The following PEX14 variants were observed in gnomAD, a reference collection of about 807,000 sequenced individuals.
PEX14 encodes peroxisomal biogenesis factor 14.
A neutral mutation model predicts 49.5 loss-of-function variants in PEX14; 15 were observed. The observed-to-expected ratio is 0.30, with a 90% CI of 0.20 to 0.47. The LOEUF is 0.47. PEX14 is among the 20% of genes least tolerant of loss of function. The pLI is 1.00. For synonymous variants in PEX14, 210 were observed against 212.7 expected (o/e 0.99, Z 0.11); for missense variants, 398 against 494.8 (o/e 0.80, Z 1.86).
At chr1:10,481,315 T>C (rs1197531936) in intron 1 of PEX14, among the ~76,000 whole-genome samples, 1 of 152,090 alleles carries the variant, frequency 6.6e-6, no homozygotes, top group Non-Finnish European at 1.5e-5. Flanking sequence ...TTTTTTTGTA[T>C]TTTTAATAGA....
intron 1 of PEX14, among the ~76,000 whole-genome samples, chr1:10,477,881 A>T (rs1332388801): frequency 6.6e-6 from 1 of 152,048 alleles, no homozygotes; most frequent in Admixed American, 6.6e-5. Context: ...GGACTAAATG[A>T]GTTATTTATT....
chr1:10,609,117 G>T (rs1641204840), intron 4 of PEX14, among the ~76,000 whole-genome samples: 1 of 152,204 alleles, frequency 6.6e-6, no homozygotes, highest in Non-Finnish European at 1.5e-5. Context: ...TCATGGAATA[G>T]TATTCTGTTG....
At chr1:10,497,469 G>A (rs542707839) in intron 2 of PEX14, among the ~76,000 whole-genome samples, 1 of 152,322 alleles carries the variant, frequency 6.6e-6, no homozygotes, top group Admixed American at 6.5e-5. Context: ...CTGAGGATGG[G>A]GAACAGACAA....
intron 2 of PEX14, among the ~76,000 whole-genome samples, chr1:10,500,737 G>C (rs1641663177): frequency 6.6e-6 from 1 of 152,156 alleles, no homozygotes; most frequent in South Asian, 2.1e-4. Context: ...ACCACGGCCA[G>C]CTAATTTTTG....
chr1:10,552,845 T>A (rs1557840954), intron 3 of PEX14, among the ~76,000 whole-genome samples: 1 of 151,338 alleles, frequency 6.6e-6, no homozygotes, highest in Non-Finnish European at 1.5e-5. Flanking sequence ...ATGGAGGAGG[T>A]CCCCTTTATC....
intron 4 of PEX14, among the ~76,000 whole-genome samples, chr1:10,607,239 A>G (rs185222645): frequency 6.6e-6 from 1 of 151,784 alleles, no homozygotes; most frequent in East Asian, 1.9e-4. Context: ...CCTTTTTACC[A>G]TTGGGTGGGT....
At chr1:10,523,269 T>C (rs895013481) in intron 2 of PEX14, among the ~76,000 whole-genome samples, 4 of 152,220 alleles carry the variant, frequency 2.6e-5, no homozygotes, top group African/African-American at 9.6e-5. Context: ...GTAAGTAGCG[T>C]GAGTAAAGCT....
Position 10,474,992 on chromosome 1 carries a change from A to C in PEX14, c.26A>C (p.Gln9Pro). 1 of 1,610,198 alleles carries C rather than the reference A, an allele frequency of 6.2e-7. No homozygotes were observed. Among genetic ancestry groups the C allele is most frequent in the Non-Finnish European group, 8.5e-7 (1 of 1,178,612 alleles). The change falls in exon 1 of 9, where the codon CAG (glutamine) becomes CCG (proline). Residue 9 changes from glutamine to proline, a missense_variant. Physicochemically the swap from Gln to Pro is moderately conservative, Grantham distance 76. Coordinates refer to ENST00000356607, the MANE Select transcript of PEX14 (RefSeq NM_004565.3). ...ATGGCGTCCTCGGAGCAGGCAGAGC[A>C]GCCGAGCCAGGTAAGGGGAGTGGGA... MASSEQAE[Q>P]PSQPSSTPGS...
At chr1:10,621,278 T>C (rs912108078) in intron 5 of PEX14, among the ~76,000 whole-genome samples, 3 of 151,480 alleles carry the variant, frequency 2.0e-5, no homozygotes, top group African/African-American at 4.8e-5. Context: ...TGTCTGCTCC[T>C]GCCCTTAGGA....
At chr1:10,626,706 C>T (rs896497014) in intron 7 of PEX14, among the ~76,000 whole-genome samples, 3 of 152,398 alleles carry the variant, frequency 2.0e-5, no homozygotes, top group Admixed American at 2.0e-4. Context: ...ACACGGAGGC[C>T]TCGTGGCATT....
At chr1:10,583,941 T>C (rs542956549) in intron 3 of PEX14, among the ~76,000 whole-genome samples, 1 of 152,200 alleles carries the variant, frequency 6.6e-6, no homozygotes, top group South Asian at 2.1e-4. Context: ...GGGAGTAAGG[T>C]TGTGTAGGGC....
chr1:10,567,943 G>A (rs1406818609), intron 3 of PEX14, among the ~76,000 whole-genome samples: 3 of 152,072 alleles, frequency 2.0e-5, no homozygotes, highest in South Asian at 2.1e-4. Flanking sequence ...TATCTTTTTC[G>A]TTACTACTTT....
At chr1:10,548,284 A>G in intron 3 of PEX14, among the ~76,000 whole-genome samples, 1 of 152,212 alleles carries the variant, frequency 6.6e-6, no homozygotes, top group East Asian at 1.9e-4. Flanking sequence ...TAGGGATGGA[A>G]GTTCTTTTAA....
At chr1:10,510,068 C>T (rs543372555) in intron 2 of PEX14, among the ~76,000 whole-genome samples, 1 of 152,264 alleles carries the variant, frequency 6.6e-6, no homozygotes, top group East Asian at 1.9e-4. Context: ...CACAGGCTGC[C>T]CACCTAGAAA....
At chr1:10,556,539 G>A (rs1366452803) in intron 3 of PEX14, among the ~76,000 whole-genome samples, 1 of 152,088 alleles carries the variant, frequency 6.6e-6, no homozygotes, top group East Asian at 1.9e-4. Flanking sequence ...GTCGGTGTGC[G>A]CTGACCTCAT....
At chr1:10,600,774 G>A (rs1244480210) in intron 4 of PEX14, among the ~76,000 whole-genome samples, 3 of 152,088 alleles carry the variant, frequency 2.0e-5, no homozygotes, top group Non-Finnish European at 1.5e-5. Context: ...CTCTCAAAAT[G>A]CCTTTTCTAT....
At chr1:10,490,126 T>C (rs1407138289) in intron 1 of PEX14, among the ~76,000 whole-genome samples, 1 of 152,194 alleles carries the variant, frequency 6.6e-6, no homozygotes, top group African/African-American at 2.4e-5. Context: ...AAACTGAGGC[T>C]CAGAGAGGTT....
Position 10,501,641 on chromosome 1 carries a change from G to A in PEX14, c.84+6320G>A, listed in dbSNP as rs537894297. The stretch of plus-strand genomic sequence containing the variant: ...TTAAAAAGCAAATCATTGGCTGAGC[G>A]TGGTGGCTCACGCCTGTAATCCTTG... On this transcript the variant is annotated intron_variant, in intron 2 of 8. Transcript: ENST00000356607. Among the ~76,000 whole-genome samples the A allele has an allele frequency of 7.5e-4, 114 of 152,236 alleles. 2 individuals are homozygous for A. Among genetic ancestry groups the A allele is most frequent in the South Asian group, 5.4e-3 (26 of 4,828 alleles).
chr1:10,595,042 A>C (rs369274160), intron 3 of PEX14, among the ~76,000 whole-genome samples: 35 of 152,268 alleles, frequency 2.3e-4, no homozygotes, highest in East Asian at 2.1e-3. Context: ...CTTTTAAAAA[A>C]AAAAGCCCAC....
Sources: allele counts gnomAD v4.1 joint callset (sites outside exome capture counted in the v4.1 genomes callset), GRCh38; gene constraint gnomAD v4.1.1; transcripts MANE v1.5; gene names NCBI Gene and HGNC (gene_info 2026-07-23, HGNC 2026-07-21).